TNNI3K: variants seen among roughly 807,000 people sequenced by gnomAD.
TNNI3K encodes the protein serine/threonine-protein kinase TNNI3K.
TNNI3K carries 140 observed loss-of-function variants against 114.5 expected under a neutral mutation model. The observed-to-expected ratio is 1.22, with a 90% CI of 1.07 to 1.41. TNNI3K has a LOEUF of 1.41. Among genes scored for constraint, TNNI3K ranks in the 40% most tolerant of loss-of-function variants. TNNI3K has a pLI of 0.00. For synonymous variants in TNNI3K, 347 were observed against 347.5 expected, an observed-to-expected ratio of 1.00 and a Z score of 0.02; for missense variants, 1,125 against 1,007.6, an observed-to-expected ratio of 1.12 and a Z score of -1.58.
chr1:74,332,402 G>T (rs971349093), intron 6 of TNNI3K, among the ~76,000 whole-genome samples: 2 of 151,666 alleles, frequency 1.3e-5, no homozygotes, highest in South Asian at 2.1e-4. Context: ...CTGGGTTCAC[G>T]CCATTCTCCT....
At chr1:74,439,690 A>C in intron 20 of TNNI3K, 68 bp downstream of exon 20, 1 of 1,584,496 alleles carries the variant, frequency 6.3e-7, no homozygotes. Flanking sequence ...ACTTCAAGAA[A>C]ATTTTTTTTC....
At chr1:74,379,928 A>G (rs1663112639) in intron 17 of TNNI3K, among the ~76,000 whole-genome samples, 1 of 152,034 alleles carries the variant, frequency 6.6e-6, no homozygotes, top group African/African-American at 2.4e-5. Flanking sequence ...GGTCTCATTT[A>G]ATTTTGGCTG....
chr1:74,507,988 T>A (rs6701139), intron 23 of TNNI3K, among the ~76,000 whole-genome samples: 13,101 of 152,218 alleles, frequency 0.086, 1,373 homozygotes, highest in African/African-American at 0.25. Context: ...TTTCTACCTT[T>A]AAGTAGTTTG....
At chr1:74,522,557 A>G (rs1383446865) in intron 23 of TNNI3K, among the ~76,000 whole-genome samples, 1 of 152,172 alleles carries the variant, frequency 6.6e-6, no homozygotes, top group African/African-American at 2.4e-5. Context: ...TTTAAAAAGT[A>G]GCATGAAAAA....
At chr1:74,279,653 T>C (rs186691015) in intron 5 of TNNI3K, among the ~76,000 whole-genome samples, 1 of 152,330 alleles carries the variant, frequency 6.6e-6, no homozygotes, top group Admixed American at 6.5e-5. Flanking sequence ...CTTTACAATT[T>C]GCTTTTGGTT....
chr1:74,383,739 TTAA>T (rs1293240664), intron 17 of TNNI3K, among the ~76,000 whole-genome samples: 3 of 152,130 alleles, frequency 2.0e-5, no homozygotes, highest in Non-Finnish European at 4.4e-5. Context: ...GATGAATGAA[TTAA>T]TAATAATCAA....
chr1:74,518,335 A>G (rs1471393094), intron 23 of TNNI3K, among the ~76,000 whole-genome samples: 1 of 152,200 alleles, frequency 6.6e-6, no homozygotes, highest in African/African-American at 2.4e-5. Context: ...CTATTTCCAC[A>G]TAGCCTCTTA....
At chr1:74,272,748 AT>A (rs1299046935) in intron 5 of TNNI3K, among the ~76,000 whole-genome samples, 2 of 151,936 alleles carry the variant, frequency 1.3e-5, no homozygotes, top group Non-Finnish European at 2.9e-5. Context: ...CATTTGCATG[AT>A]TTGGCTAACT....
At chr1:74,397,456 A>G (rs1212481592) in intron 17 of TNNI3K, among the ~76,000 whole-genome samples, 8 of 152,204 alleles carry the variant, frequency 5.3e-5, no homozygotes, top group Admixed American at 5.2e-4. Flanking sequence ...CCTGGTAGTG[A>G]GCACCCTACG....
intron 20 of TNNI3K, among the ~76,000 whole-genome samples, chr1:74,440,024 T>C (rs1043523841): frequency 6.6e-6 from 1 of 152,052 alleles, no homozygotes; most frequent in Non-Finnish European, 1.5e-5. Flanking sequence ...AAATAACCTG[T>C]TAAGGCTGCT....
intron 5 of TNNI3K, among the ~76,000 whole-genome samples, chr1:74,289,347 A>G (rs1000312464): frequency 4.6e-5 from 7 of 152,020 alleles, no homozygotes; most frequent in Non-Finnish European, 7.4e-5. Flanking sequence ...CCCATTTAAT[A>G]TATCTTTTGA....
At chr1:74,358,762 A>G (rs1570517418) in intron 11 of TNNI3K, among the ~76,000 whole-genome samples, 1 of 152,044 alleles carries the variant, frequency 6.6e-6, no homozygotes, top group East Asian at 1.9e-4. Context: ...TCTTTTAAAA[A>G]AAATAAGTAA....
intron 16 of TNNI3K, 55 bp downstream of exon 16, chr1:74,369,640 C>G (rs767174182): frequency 8.0e-6 from 12 of 1,506,638 alleles, no homozygotes; most frequent in Non-Finnish European, 1.1e-5. Context: ...ACTACTCTTG[C>G]AATACTTCAG....
At chr1:74,497,980 G>A (rs548209151) in intron 23 of TNNI3K, among the ~76,000 whole-genome samples, 1 of 152,038 alleles carries the variant, frequency 6.6e-6, no homozygotes, top group Non-Finnish European at 1.5e-5. Flanking sequence ...ACTGTGGGAG[G>A]CTTTTTTGTT....
At chr1:74,486,561 T>G (rs544219914) in intron 21 of TNNI3K, among the ~76,000 whole-genome samples, 1 of 147,930 alleles carries the variant, frequency 6.8e-6, no homozygotes, top group Non-Finnish European at 1.5e-5. Flanking sequence ...TTTACTGAAA[T>G]GGGAAAGGCT....
At chr1:74,396,554 G>A (rs1360917199) in intron 17 of TNNI3K, among the ~76,000 whole-genome samples, 1 of 152,224 alleles carries the variant, frequency 6.6e-6, no homozygotes, top group African/African-American at 2.4e-5. Flanking sequence ...TACTGGGGAA[G>A]AGGGGAATGA....
At chr1:74,421,983 ATTATTATTATTT>A (rs1328048170) in intron 17 of TNNI3K, among the ~76,000 whole-genome samples, 2 of 116,394 alleles carry the variant, frequency 1.7e-5, no homozygotes, top group African/African-American at 3.0e-5. Flanking sequence ...TATTATTATT[ATTATTATTATTT>A]ATTTTAGATT....
chr1:74,453,918 C>T (rs1346538496), intron 20 of TNNI3K, among the ~76,000 whole-genome samples: 1 of 152,168 alleles, frequency 6.6e-6, no homozygotes, highest in Non-Finnish European at 1.5e-5. Flanking sequence ...GAAATCTATA[C>T]ATTTTTTAAT....
rs1302919986 is a variant in TNNI3K, at chr1:74,378,490, T to G, written c.1772+8098T>G. On this transcript the variant is annotated intron_variant, in intron 17 of 24. Transcript: ENST00000326637. ...GTGACTTCTAGGGGGTCAACCAAAT[T>G]CAAGTGAGCACTAATGAGGCAAGAA... Among the ~76,000 whole-genome samples, 3 of 150,428 alleles carry G rather than the reference T, an allele frequency of 2.0e-5. No individual in the cohort carries two copies. In the East Asian group the frequency reaches 5.9e-4, roughly 30 times the overall value.
Sources: gnomAD v4.1 joint callset for allele counts (sites outside exome capture counted in the v4.1 genomes callset) on GRCh38, gnomAD v4.1.1 for gene constraint, MANE v1.5 for transcripts, NCBI Gene and HGNC (gene_info 2026-07-23, HGNC 2026-07-21) for gene names.